CAND2: variants seen among roughly 807,000 people sequenced by gnomAD.
CAND2 encodes the protein cullin associated and neddylation dissociated 2 (putative).
Under a neutral mutation model 98.9 loss-of-function variants are expected in CAND2, and 62 were observed. The observed-to-expected ratio is 0.63, with a 90% CI of 0.51 to 0.77. The LOEUF is 0.77. Among genes scored for constraint, CAND2 ranks in the 30% least tolerant of loss-of-function variants. The pLI, the probability that CAND2 is intolerant of heterozygous loss-of-function variation, is 0.00. For missense variants in CAND2, 1,501 were observed against 1,655.2 expected (o/e 0.91, Z 1.62); for synonymous variants, 770 against 731.9 (o/e 1.05, Z -0.84).
chr3:12,803,267 C>T (rs1053601741), intron 1 of CAND2, among the ~76,000 whole-genome samples: 12 of 152,218 alleles, frequency 7.9e-5, no homozygotes, highest in Admixed American at 1.3e-4. Flanking sequence ...GCTGGGATTA[C>T]AGGCGTGAGC....
chr3:12,816,135 A>G (rs2061897096), intron 9 of CAND2, 127 bp downstream of exon 9: 2 of 1,007,916 alleles, frequency 2.0e-6, no homozygotes, highest in African/African-American at 1.6e-5. Context: ...TCCCTGGTCA[A>G]GAGTCTCCAG....
intron 12 of CAND2, among the ~76,000 whole-genome samples, chr3:12,826,786 A>G (rs1050313428): frequency 3.9e-5 from 4 of 102,636 alleles, no homozygotes; most frequent in Admixed American, 2.0e-4. Flanking sequence ...AACCTGCCCA[A>G]CTCAGTTTCC....
intron 1 of CAND2, among the ~76,000 whole-genome samples, chr3:12,800,428 C>T (rs975364024): frequency 6.6e-6 from 1 of 152,192 alleles, no homozygotes; most frequent in African/African-American, 2.4e-5. Flanking sequence ...TGCTGGAAAG[C>T]AGGGCCAGCG....
chr3:12,827,261 T>C (rs1439838125), intron 12 of CAND2, among the ~76,000 whole-genome samples, 179 bp from the exon 13 acceptor site: 1 of 152,208 alleles, frequency 6.6e-6, no homozygotes, highest in African/African-American at 2.4e-5. Context: ...TTATTGCCAC[T>C]GTTATCACTT....
At chr3:12,808,095 A>G in intron 3 of CAND2, 115 bp from the exon 4 acceptor site, 1 of 1,354,410 alleles carries the variant, frequency 7.4e-7, no homozygotes, top group South Asian at 1.4e-5. Flanking sequence ...GAGCCCTGGT[A>G]AGATTCCCGG....
intron 4 of CAND2, among the ~76,000 whole-genome samples, chr3:12,809,523 G>A (rs986236728): frequency 3.9e-5 from 6 of 152,124 alleles, no homozygotes; most frequent in African/African-American, 1.4e-4. Flanking sequence ...CACGGGCCTC[G>A]TTTGAAGGTG....
intron 13 of CAND2, among the ~76,000 whole-genome samples, chr3:12,830,742 TG>T (rs2062046173): frequency 6.6e-6 from 1 of 152,180 alleles, no homozygotes; most frequent in Admixed American, 6.5e-5. Context: ...GACGGAATCT[TG>T]TCTAGTTCTA....
chr3:12,820,236 G>C (rs2061946428), intron 11 of CAND2, 55 bp downstream of exon 11: 7 of 1,362,110 alleles, frequency 5.1e-6, no homozygotes, highest in Non-Finnish European at 6.2e-6. Flanking sequence ...CCCAGTCCTT[G>C]AGCTTGGGCT....
At position 12,815,884 on chromosome 3, in the gene CAND2, G is replaced by T; in HGVS notation, c.1317G>T (p.Lys439Asn). The part of the protein sequence containing the change: ...MLRGQVPLVV[K>N]ALQRQLKDRS... ...GCCCACAGGTGCCCCTTGTGGTCAAGGCCCTGCAGCGGCAGCTTAAAGATC... is the reference window on the plus strand; with the variant it reads ...GCCCACAGGTGCCCCTTGTGGTCAATGCCCTGCAGCGGCAGCTTAAAGATC... Residue 439 changes from lysine to asparagine, a missense_variant, in exon 9 of 15, where the codon AAG becomes AAT. Lys to Asn is a moderately conservative substitution (Grantham distance 94, BLOSUM62 0). Around this residue, in one of 3 missense-constraint regions of CAND2, gnomAD observed 1,427 missense variants for 1,545.3 expected, o/e 0.92. Coordinates refer to ENST00000456430, the MANE Select transcript of CAND2 (RefSeq NM_001162499.2). The surrounding 1 kb of genome is among the most constrained non-coding windows in gnomAD (Gnocchi z 5.7). 6.2e-7 allele frequency: 1 copy of T among 1,613,776 alleles called. No individual in the cohort carries two copies. The highest frequency in any genetic ancestry group is 8.5e-7 in the Non-Finnish European group (1 of 1,179,928).
intron 9 of CAND2, 49 bp downstream of exon 9, chr3:12,816,057 AC>A: frequency 1.3e-6 from 2 of 1,573,892 alleles, no homozygotes; most frequent in South Asian, 1.1e-5. Flanking sequence ...CACTTCCAGA[AC>A]CCAGACCCCA....
rs73813561 is a variant in CAND2, at chr3:12,800,489, C to T, written c.69-2999C>T. Among the ~76,000 whole-genome samples the T allele has an allele frequency of 1.2e-3, 176 of 152,256 alleles. 1 individual carries two copies. The highest frequency in any genetic ancestry group is 4.0e-3 in the African/African-American group (166 of 41,552). On this transcript the variant is annotated intron_variant, in intron 1 of 14. Coordinates refer to ENST00000456430, the MANE Select transcript of CAND2 (RefSeq NM_001162499.2). ...GTCAGTAAAAGCTGGAGGCTTTCTCCGAGGCAGCCTTACAGTATCTCCTCG... is the reference window on the plus strand; with the variant it reads ...GTCAGTAAAAGCTGGAGGCTTTCTCTGAGGCAGCCTTACAGTATCTCCTCG...
chr3:12,798,473 C>G (rs1430194603), intron 1 of CAND2, among the ~76,000 whole-genome samples: 1 of 152,194 alleles, frequency 6.6e-6, no homozygotes, highest in African/African-American at 2.4e-5. Context: ...ACGGTAGGTG[C>G]TTAGTGAATG....
intron 4 of CAND2, 56 bp downstream of exon 4, chr3:12,808,389 G>T: frequency 6.5e-7 from 1 of 1,540,870 alleles, no homozygotes; most frequent in Non-Finnish European, 8.8e-7. Flanking sequence ...GACAGGGAGG[G>T]ACTCAAATCA....
intron 12 of CAND2, among the ~76,000 whole-genome samples, chr3:12,826,931 A>G (rs2062006435): frequency 6.6e-6 from 1 of 150,620 alleles, no homozygotes; most frequent in African/African-American, 2.5e-5. Flanking sequence ...CCCTGGTTCA[A>G]GCAATTCTCC....
chr3:12,817,767 C>T lies in CAND2; in HGVS notation c.2835C>T (p.Cys945=), dbSNP rs778014780. The T allele has an allele frequency of 1.0e-5, 16 of 1,559,340 alleles. No homozygotes were observed. The highest frequency in any genetic ancestry group is 6.8e-5 in the African/African-American group (5 of 73,452). The stretch of plus-strand genomic sequence containing the variant: ...TCTGGGCCTTGCTGTTCCAGCGCTG[C>T]GAGGGTGCTGAGGAGGGCACCCGGG... ...EDIWALLFQR[C]EGAEEGTRGV... The change falls in exon 10 of 15, where the codon TGC becomes TGT. Residue 945 remains cysteine (C), a synonymous_variant. Coordinates refer to ENST00000456430, the MANE Select transcript of CAND2 (RefSeq NM_001162499.2).
At chr3:12,814,044 G>A (rs2061876571) in intron 7 of CAND2, among the ~76,000 whole-genome samples, 1 of 152,226 alleles carries the variant, frequency 6.6e-6, no homozygotes, top group Non-Finnish European at 1.5e-5. Context: ...CAGGCATGCG[G>A]GGGCCTTGAA....
At position 12,825,649 on chromosome 3, in the gene CAND2, AGAGCTGGG is replaced by A. The variant is rs1413351364; in HGVS notation, c.3210+13_3210+20del. The stretch of plus-strand genomic sequence containing the variant: ...GGACCTCATCCGAGAGGTGTGGAGC[AGAGCTGGG>A]GACCCAGGGGAAGCTGGGGGTGATG... On this transcript the variant is annotated intron_variant, in intron 12 of 14. Transcript: ENST00000456430. 1 of 1,563,008 alleles carries A rather than the reference AGAGCTGGG, an allele frequency of 6.4e-7. No individual in the cohort carries two copies. The highest frequency in any genetic ancestry group is 1.2e-5 in the South Asian group (1 of 86,198).
At chr3:12,802,271 G>C (rs1235700678) in intron 1 of CAND2, among the ~76,000 whole-genome samples, 1 of 152,212 alleles carries the variant, frequency 6.6e-6, no homozygotes, top group East Asian at 1.9e-4. Context: ...AGCTTGCAGT[G>C]AGCTGAGATC....
Position 12,834,316 on chromosome 3 carries a change from G to GT in CAND2, c.*335dup. 6.9e-6 allele frequency: 2 copies of GT among 289,726 alleles called. No homozygotes were observed. Among genetic ancestry groups the GT allele is most frequent in the South Asian group, 1.2e-4 (2 of 16,752 alleles). 17.9% of individuals were successfully genotyped at this position (289,726 alleles called of 1,614,324 possible). A position where few individuals can be genotyped will look rare whatever the true frequency, so the allele number is the denominator to read the frequency against. On this transcript the variant is annotated 3_prime_UTR_variant, in exon 15 of 15. Coordinates refer to ENST00000456430, the MANE Select transcript of CAND2 (RefSeq NM_001162499.2). ...GAGGGTGTCTCTGCCTCACAAACTA[G>GT]TAGTATTTAGAAATAGGCTGTGCTG...
Sources: gnomAD v4.1 joint callset for allele counts (sites outside exome capture counted in the v4.1 genomes callset) on GRCh38, gnomAD v4.1.1 for gene constraint, gnomAD v4.1.1 regional missense constraint, Gnocchi (gnomAD v3.1) non-coding constraint, MANE v1.5 for transcripts, NCBI Gene and HGNC (gene_info 2026-07-23, HGNC 2026-07-21) for gene names.